Variants in CSMD1 observed in about 807,000 individuals in gnomAD.
The protein encoded by CSMD1 is CUB and sushi domain-containing protein 1.
Under a neutral mutation model 417.5 loss-of-function variants are expected in CSMD1, and 213 were observed. The observed-to-expected ratio is 0.51, with a 90% CI of 0.46 to 0.57. The LOEUF is 0.57. Among genes scored for constraint, CSMD1 ranks in the 20% least tolerant of loss-of-function variants. The probability of loss-of-function intolerance (pLI) is 0.00; values close to 1 mark genes in which losing one functional copy is unlikely to be tolerated. For synonymous variants in CSMD1, 2,862 were observed against 1,736.8 expected (o/e 1.65, Z -16.11); for missense variants, 6,923 against 4,529.7 (o/e 1.53, Z -15.17).
chr8:3,954,501 G>C (rs1811804244), intron 5 of CSMD1, among the ~76,000 whole-genome samples: 2 of 152,146 alleles, frequency 1.3e-5, no homozygotes, highest in Admixed American at 6.5e-5. Flanking sequence ...TGAGTAGCTG[G>C]GATTACAGGC....
At chr8:3,405,619 AC>A (rs55938329) in intron 15 of CSMD1, among the ~76,000 whole-genome samples, 152,267 of 152,268 alleles carry the variant, frequency 1, 76,133 homozygotes, top group Non-Finnish European at 1. Flanking sequence ...GAAGAAGGGG[AC>A]CCCCAATCCA....
At chr8:4,487,565 T>C (rs1801481424) in intron 2 of CSMD1, among the ~76,000 whole-genome samples, 1 of 152,202 alleles carries the variant, frequency 6.6e-6, no homozygotes, top group Admixed American at 6.5e-5. Context: ...CAGTCTATCA[T>C]TGTTGGACAT....
At chr8:3,093,043 T>G (rs908251379) in intron 47 of CSMD1, among the ~76,000 whole-genome samples, 5 of 152,192 alleles carry the variant, frequency 3.3e-5, no homozygotes, top group African/African-American at 1.2e-4. Flanking sequence ...TTCTCATGAT[T>G]TTTTTCAAGT....
chr8:4,087,159 C>A (rs1214596077), intron 3 of CSMD1, among the ~76,000 whole-genome samples: 1 of 152,184 alleles, frequency 6.6e-6, no homozygotes, highest in African/African-American at 2.4e-5. Context: ...CAAAGACCCA[C>A]TCTTCTCACC....
chr8:3,863,714 T>A (rs1191721368), intron 5 of CSMD1, among the ~76,000 whole-genome samples: 2 of 152,212 alleles, frequency 1.3e-5, no homozygotes, highest in African/African-American at 2.4e-5. Context: ...ACATACATGG[T>A]CTCTAATTCA....
chr8:3,319,446 A>G (rs1188271444), intron 23 of CSMD1, among the ~76,000 whole-genome samples: 2 of 152,242 alleles, frequency 1.3e-5, no homozygotes, highest in African/African-American at 2.4e-5. Context: ...TTGAGTAATT[A>G]AATATTAATA....
chr8:3,354,350 G>C (rs151113909), intron 21 of CSMD1, among the ~76,000 whole-genome samples: 2 of 152,222 alleles, frequency 1.3e-5, no homozygotes, highest in African/African-American at 4.8e-5. Context: ...TTGTTGTGGG[G>C]CTTTTGAGGG....
chr8:4,521,868 T>A (rs751002853), intron 2 of CSMD1, among the ~76,000 whole-genome samples: 1 of 152,194 alleles, frequency 6.6e-6, no homozygotes, highest in Non-Finnish European at 1.5e-5. Flanking sequence ...CTTTAGCTCC[T>A]GGGAAAACTG....
intron 5 of CSMD1, among the ~76,000 whole-genome samples, chr8:3,956,192 C>G (rs1049158486): frequency 6.6e-6 from 1 of 152,172 alleles, no homozygotes; most frequent in Non-Finnish European, 1.5e-5. Context: ...GGGGTATTAA[C>G]CATAACTAAA....
At chr8:3,521,284 G>C (rs188551482) in intron 10 of CSMD1, among the ~76,000 whole-genome samples, 4 of 152,220 alleles carry the variant, frequency 2.6e-5, no homozygotes, top group Non-Finnish European at 5.9e-5. Flanking sequence ...CCTGTGCTCA[G>C]AGCCAAGTTA....
intron 5 of CSMD1, among the ~76,000 whole-genome samples, chr8:3,762,280 C>G (rs1213005545): frequency 2.0e-5 from 3 of 152,088 alleles, no homozygotes; most frequent in African/African-American, 2.4e-5. Flanking sequence ...AATATCTGCC[C>G]TGCATCCCAC....
At chr8:3,370,848 A>C (rs544702810) in intron 18 of CSMD1, among the ~76,000 whole-genome samples, 89 of 152,260 alleles carry the variant, frequency 5.8e-4, no homozygotes, top group African/African-American at 2.0e-3. Context: ...TAGTGGCAGA[A>C]GCCTACAATT....
intron 23 of CSMD1, among the ~76,000 whole-genome samples, chr8:3,322,949 T>C (rs547433975): frequency 6.4e-4 from 98 of 152,370 alleles, no homozygotes; most frequent in African/African-American, 2.3e-3. Context: ...GTTTTTGTTT[T>C]TGTTTTCCTA....
chr8:4,696,389 A>C (rs573522244), intron 1 of CSMD1, among the ~76,000 whole-genome samples: 1 of 152,328 alleles, frequency 6.6e-6, no homozygotes, highest in South Asian at 2.1e-4. Context: ...AGTATGAAGA[A>C]TTTTAACTCT....
chr8:3,349,970 A>G lies in CSMD1; in HGVS notation c.3305-1809T>C, dbSNP rs968394945. Among the ~76,000 whole-genome samples the G allele has an allele frequency of 3.4e-5, 5 of 146,248 alleles. No homozygotes were observed. The East Asian group carries it at 7.9e-4, about 23-fold the overall frequency. ...TATGTGTATGTGTGTTATAATACCT[A>G]TAATACCTATAATTACTTGTGTATG... On this transcript the variant is annotated intron_variant, in intron 21 of 69. Transcript: ENST00000635120.
In CSMD1 at chr8:3,938,550, C is replaced by T. The variant is rs1396148285; in HGVS notation, c.818+59353G>A. On this transcript the variant is annotated intron_variant, in intron 5 of 69. Transcript: ENST00000635120. Reference sequence around the variant, plus strand: ...CTGTTGGGGGATGATTTGAGAGGACCGATGCTACCAATGCATCTCTTTTTT... The same window carrying T: ...CTGTTGGGGGATGATTTGAGAGGACTGATGCTACCAATGCATCTCTTTTTT... 3.9e-5 allele frequency among the ~76,000 whole-genome samples: 6 copies of T among 152,014 alleles called. No homozygotes were observed. The East Asian group carries it at 7.7e-4, about 20-fold the overall frequency.
chr8:3,092,542 T>C (rs1815014060), intron 47 of CSMD1, among the ~76,000 whole-genome samples: 1 of 152,176 alleles, frequency 6.6e-6, no homozygotes, highest in African/African-American at 2.4e-5. Flanking sequence ...ACACATTGCT[T>C]CTTTATAAGA....
chr8:3,475,048 G>T (rs574479882), intron 11 of CSMD1, among the ~76,000 whole-genome samples: 15 of 152,210 alleles, frequency 9.9e-5, no homozygotes, highest in African/African-American at 3.1e-4. Context: ...CCATTCTCCA[G>T]AATGATGGCA....
chr8:4,219,080 T>C (rs917747221), intron 3 of CSMD1, among the ~76,000 whole-genome samples: 1 of 152,122 alleles, frequency 6.6e-6, no homozygotes, highest in African/African-American at 2.4e-5. Context: ...CTCTATCACT[T>C]TTCCTGTTCC....
Sources: gnomAD v4.1 joint callset for allele counts (sites outside exome capture counted in the v4.1 genomes callset) on GRCh38, gnomAD v4.1.1 for gene constraint, MANE v1.5 for transcripts, NCBI Gene and HGNC (gene_info 2026-07-23, HGNC 2026-07-21) for gene names.